Variants in BAG6 observed in about 807,000 individuals in gnomAD.
The protein encoded by BAG6 is large proline-rich protein BAG6.
BAG6 carries 22 observed loss-of-function variants against 121.0 expected under a neutral mutation model. The observed-to-expected ratio is 0.18, with a 90% confidence interval of 0.13 to 0.26. The LOEUF is 0.26. Ranked by LOEUF, BAG6 falls within the 10% of genes least tolerant of loss-of-function variation. BAG6 has a pLI of 1.00. For synonymous variants in BAG6, 583 were observed against 584.6 expected (o/e 1.00, Z 0.04); for missense variants, 1,233 against 1,537.7 (o/e 0.80, Z 3.31).
At position 31,644,263 on chromosome 6, in the gene BAG6, T is replaced by C. The variant is rs1365207963; in HGVS notation, c.1555+44A>G. 1.3e-6 allele frequency: 2 copies of C among 1,562,088 alleles called. No individual in the cohort carries two copies. The highest frequency in any genetic ancestry group is 1.9e-5 in the Admixed American group (1 of 51,940). ...GGCCCTTGCCAGCCAGCTGCCACCA[T>C]GGACTGTGCCCTACCTCCCAAGCCT... On this transcript the variant is annotated intron_variant, in intron 12 of 25. Transcript: ENST00000676615. This position sits in a 1 kb window ranked among gnomAD's most constrained non-coding sequence, Gnocchi z 4.9.
intron 9 of BAG6, 44 bp downstream of exon 9, chr6:31,645,363 C>A: frequency 6.2e-7 from 1 of 1,612,742 alleles, no homozygotes; most frequent in South Asian, 1.1e-5. Context: ...GTCACTCTAT[C>A]AACACCCCTC....
chr6:31,648,807 C>G, intron 5 of BAG6, 56 bp from the exon 6 acceptor site: 1 of 1,606,364 alleles, frequency 6.2e-7, no homozygotes. Context: ...TGAGTTCTAC[C>G]ACCTACTAAA....
At chr6:31,642,447 A>C in intron 15 of BAG6, 44 bp from the exon 16 acceptor site, 1 of 880,708 alleles carries the variant, frequency 1.1e-6, no homozygotes, top group Non-Finnish European at 1.8e-6. Context: ...TGAGGTGAGA[A>C]TGAAGACACA....
rs751691408 is a variant in BAG6, at chr6:31,647,669, G to A, written c.710C>T (p.Ala237Val). ...AGTGAGCTCCGGGTTCTGGGCTGGGGCACGCTCCTCCACTTCTTCTGCCTC... is the reference window on the plus strand; with the variant it reads ...AGTGAGCTCCGGGTTCTGGGCTGGGACACGCTCCTCCACTTCTTCTGCCTC... Reference protein sequence around the residue: ...PMEAEEVEERAPAQNPELTPG... With the variant: ...PMEAEEVEERVPAQNPELTPG... The change falls in exon 7 of 26, where the codon GCC becomes GTC. Residue 237 changes from alanine (A) to valine (V), a missense_variant. Around this residue, in one of 7 missense-constraint regions of BAG6, gnomAD observed 777 missense variants for 861.4 expected, o/e 0.90. Coordinates refer to ENST00000676615, the MANE Select transcript of BAG6 (RefSeq NM_001387994.1). 3 of 1,604,580 alleles carry A rather than the reference G, an allele frequency of 1.9e-6. No individual in the cohort carries two copies. The highest frequency in any genetic ancestry group is 2.5e-6 in the Non-Finnish European group (3 of 1,176,936).
In BAG6 at chr6:31,640,601, A is replaced by G. The variant is rs911116190; in HGVS notation, c.2994+44T>C. 2 of 1,612,178 alleles carry G rather than the reference A, an allele frequency of 1.2e-6. No individual in the cohort carries two copies. Among genetic ancestry groups the G allele is most frequent in the Admixed American group, 3.3e-5 (2 of 59,928 alleles). On this transcript the variant is annotated intron_variant, in intron 22 of 25. Transcript: ENST00000676615. This position sits in a 1 kb window ranked among gnomAD's most constrained non-coding sequence, Gnocchi z 4.2. Reference sequence around the variant, plus strand: ...CCAAACCTTTCTCCCCCAGCCCTCCACTCCACATTATCTGGCCCCTCAACC... The same window carrying G: ...CCAAACCTTTCTCCCCCAGCCCTCCGCTCCACATTATCTGGCCCCTCAACC...
chr6:31,642,515 T>C, intron 15 of BAG6, 112 bp from the exon 16 acceptor site: 1 of 647,718 alleles, frequency 1.5e-6, no homozygotes, highest in South Asian at 1.9e-5. Flanking sequence ...GATGGGGAGT[T>C]ACATTCTGAT....
intron 14 of BAG6, 65 bp downstream of exon 14, chr6:31,643,825 G>GA: frequency 6.6e-7 from 1 of 1,518,732 alleles, no homozygotes; most frequent in South Asian, 1.1e-5. Flanking sequence ...GAAAGAACTG[G>GA]AAAGTGCCAG....
rs753778566 is a variant in BAG6, at chr6:31,639,546, C to T, written c.3347G>A (p.Ser1116Asn). Reference protein sequence around the residue: ...ARPLTSPESLSRDLEAPEVQE... With the variant: ...ARPLTSPESLNRDLEAPEVQE... The stretch of plus-strand genomic sequence containing the variant: ...AACCTCTGGTGCCTCCAGGTCCCGG[C>T]TCAGGCTCTCGGGGCTCGTCAGGGG... Residue 1116 changes from serine to asparagine, a missense_variant, in exon 25 of 26, where the codon AGC (serine) becomes AAC (asparagine). By Grantham distance (46) the Ser-to-Asn change is conservative. Transcript: ENST00000676615. The T allele has an allele frequency of 2.5e-6, 4 of 1,614,124 alleles. No individual in the cohort carries two copies. Among genetic ancestry groups the T allele is most frequent in the Non-Finnish European group, 3.4e-6 (4 of 1,180,044 alleles).
In BAG6 at chr6:31,645,153, G is replaced by GC. The variant is rs1561922028; in HGVS notation, c.1161dup (p.Pro388AlafsTer32). 1 of 1,612,620 alleles carries GC rather than the reference G, an allele frequency of 6.2e-7. No homozygotes were observed. The highest frequency in any genetic ancestry group is 8.5e-7 in the Non-Finnish European group (1 of 1,179,826). On this transcript the variant is annotated frameshift_variant, in exon 10 of 26. Coordinates refer to ENST00000676615, the MANE Select transcript of BAG6 (RefSeq NM_001387994.1). LOFTEE classifies it high-confidence loss of function. The stretch of plus-strand genomic sequence containing the variant: ...GCCTCTGCATTGGGAGTTGGGGGGG[G>GC]CCGAGTCCCATTTCCTGTCATGGTC...
At position 31,644,675 on chromosome 6, in the gene BAG6, G is replaced by A. The variant is rs1786968933; in HGVS notation, c.1370-73C>T. The stretch of plus-strand genomic sequence containing the variant: ...GCCTAACTATATCCTTCTGAGATCA[G>A]GCATACTTCAGGCCCATAATCCCCC... On this transcript the variant is annotated intron_variant, in intron 10 of 25. Coordinates refer to ENST00000676615, the MANE Select transcript of BAG6 (RefSeq NM_001387994.1). This position sits in a 1 kb window ranked among gnomAD's most constrained non-coding sequence, Gnocchi z 4.9. 1.3e-6 allele frequency: 2 copies of A among 1,487,940 alleles called. No homozygotes were observed. The highest frequency in any genetic ancestry group is 1.9e-6 in the Non-Finnish European group (2 of 1,074,944). The allele number at this position is 1,487,940 out of a possible 1,614,324, so 92.2% of individuals were successfully genotyped here. A position where few individuals can be genotyped will look rare whatever the true frequency, so the allele number is the denominator to read the frequency against.
At chr6:31,639,286 A>G in intron 25 of BAG6, 60 bp from the exon 26 acceptor site, 1 of 1,518,804 alleles carries the variant, frequency 6.6e-7, no homozygotes, top group Non-Finnish European at 9.1e-7. Context: ...GATCCCAGCA[A>G]GCACACAAGG....
chr6:31,648,645 G>A (rs749940591), intron 6 of BAG6, 32 bp downstream of exon 6: 50 of 1,606,686 alleles, frequency 3.1e-5, no homozygotes, highest in Non-Finnish European at 4.3e-5. Context: ...AGGGAGGGTG[G>A]AGAGAGACCC....
chr6:31,641,081 A>G lies in BAG6; in HGVS notation c.2787+23T>C. The G allele has an allele frequency of 6.2e-7, 1 of 1,612,754 alleles. No homozygotes were observed. The highest frequency in any genetic ancestry group is 8.5e-7 in the Non-Finnish European group (1 of 1,179,756). On this transcript the variant is annotated intron_variant, in intron 20 of 25. Coordinates refer to ENST00000676615, the MANE Select transcript of BAG6 (RefSeq NM_001387994.1). The surrounding 1 kb of genome is among the most constrained non-coding windows in gnomAD (Gnocchi z 5.7). ...AACCTCAGGAAACAAAAGGCTAAGGATCTGGGGCTAGGTGGTGCTTACAAT... is the reference window on the plus strand; with the variant it reads ...AACCTCAGGAAACAAAAGGCTAAGGGTCTGGGGCTAGGTGGTGCTTACAAT...
Position 31,641,498 on chromosome 6 carries a change from C to T in BAG6, c.2559+41G>A. The stretch of plus-strand genomic sequence containing the variant: ...GGAGTGGAGGAGGCAGCTGCCTTGA[C>T]CAGACCCAGGAGAGGAAAGGAATAG... On this transcript the variant is annotated intron_variant, in intron 18 of 25. Transcript: ENST00000676615. The surrounding 1 kb of genome is among the most constrained non-coding windows in gnomAD (Gnocchi z 5.7). The T allele has an allele frequency of 6.2e-7, 1 of 1,614,030 alleles. No individual in the cohort carries two copies. The highest frequency in any genetic ancestry group is 8.5e-7 in the Non-Finnish European group (1 of 1,179,928).
chr6:31,648,193 T>C (rs1379894594), intron 6 of BAG6, among the ~76,000 whole-genome samples: 3 of 152,032 alleles, frequency 2.0e-5, no homozygotes, highest in African/African-American at 7.2e-5. Context: ...TTTTTGTACT[T>C]GTAGTAGAGA....
chr6:31,641,111 C>T lies in BAG6; in HGVS notation c.2780G>A (p.Gly927Asp). Residue 927 changes from glycine (G) to aspartate (D), a missense_variant, in exon 20 of 26, where the codon GGC (glycine) becomes GAC (aspartate). This residue lies in a region of BAG6 where 288 missense variants were observed against 483.1 expected (regional missense o/e 0.60). Transcript: ENST00000676615. The surrounding 1 kb of genome is among the most constrained non-coding windows in gnomAD (Gnocchi z 5.7). ...QQMELAAVIN[G>D]RIRRMSRGVN... is the part of the protein sequence containing the mutation. ...GGGCTAGGTGGTGCTTACAATTCGGCCATTGATAACAGCAGCAAGCTCCAT... is the reference window on the plus strand; with the variant it reads ...GGGCTAGGTGGTGCTTACAATTCGGTCATTGATAACAGCAGCAAGCTCCAT... 2.5e-6 allele frequency: 4 copies of T among 1,612,956 alleles called. 1 individual carries two copies. The highest frequency in any genetic ancestry group is 3.3e-4 in the Middle Eastern group (2 of 6,062).
chr6:31,646,548 G>A, intron 7 of BAG6, 25 bp from the exon 8 acceptor site: 6 of 1,609,596 alleles, frequency 3.7e-6, no homozygotes, highest in Non-Finnish European at 5.1e-6. Flanking sequence ...AAGGGGCAAT[G>A]AGCCAAAGCC....
At position 31,642,148 on chromosome 6, in the gene BAG6, T is replaced by C; in HGVS notation, c.2299A>G (p.Ser767Gly). The change falls in exon 16 of 26, where the codon AGC becomes GGC. Residue 767 changes from serine to glycine, a missense_variant. Around this residue, in one of 7 missense-constraint regions of BAG6, gnomAD observed 288 missense variants for 483.1 expected, o/e 0.60. Transcript: ENST00000676615. ...AAFIQRLSGSSNIFEPGADGA... is the reference protein window; with the variant it reads ...AAFIQRLSGSGNIFEPGADGA... ...TCAGCTCCAGGCTCAAAGATGTTGC[T>C]GGATCCACTGAGGCGTTGTATGAAG... The C allele has an allele frequency of 6.2e-7, 1 of 1,612,906 alleles. No individual in the cohort carries two copies. Among genetic ancestry groups the C allele is most frequent in the Non-Finnish European group, 8.5e-7 (1 of 1,179,948 alleles).
At chr6:31,639,759 G>T in intron 24 of BAG6, 113 bp from the exon 25 acceptor site, 1 of 1,286,368 alleles carries the variant, frequency 7.8e-7, no homozygotes, top group Non-Finnish European at 1.1e-6. Context: ...TGCTAGTGGA[G>T]AGAGGGGAAA....
Sources: allele counts gnomAD v4.1 joint callset (sites outside exome capture counted in the v4.1 genomes callset), GRCh38; gene constraint gnomAD v4.1.1; regional missense constraint gnomAD v4.1.1; non-coding constraint Gnocchi (gnomAD v3.1); transcripts MANE v1.5; gene names NCBI Gene and HGNC (gene_info 2026-07-23, HGNC 2026-07-21).